The following KCNIP4 variants were observed in gnomAD, a reference collection of about 807,000 sequenced individuals.
KCNIP4 encodes potassium voltage-gated channel interacting protein 4, also known as Kv channel-interacting protein 4.
In KCNIP4, 12 loss-of-function variants were observed where a neutral mutation model predicts 34.0. The observed-to-expected ratio is 0.35, with a 90% CI of 0.23 to 0.57. The LOEUF is 0.57. Among genes scored for constraint, KCNIP4 ranks in the 20% least tolerant of loss-of-function variants. The probability of loss-of-function intolerance (pLI) is 0.83; values close to 1 mark genes in which losing one functional copy is unlikely to be tolerated. For missense variants in KCNIP4, 238 were observed against 311.7 expected, an observed-to-expected ratio of 0.76 and a Z score of 1.78; for synonymous variants, 124 against 102.2, an observed-to-expected ratio of 1.21 and a Z score of -1.29.
chr4:21,069,263 C>T (rs1042819489), intron 1 of KCNIP4, among the ~76,000 whole-genome samples: 3 of 151,828 alleles, frequency 2.0e-5, no homozygotes, highest in African/African-American at 7.3e-5. Context: ...TGAAGTCTCA[C>T]CTCTATATTT....
chr4:21,406,197 T>C (rs956977740), intron 1 of KCNIP4, among the ~76,000 whole-genome samples: 2 of 152,178 alleles, frequency 1.3e-5, no homozygotes, highest in Non-Finnish European at 1.5e-5. Context: ...TCAATGCTTC[T>C]CGGCCTCTTG....
chr4:21,569,692 T>G (rs533522728), intron 1 of KCNIP4, among the ~76,000 whole-genome samples: 1 of 152,058 alleles, frequency 6.6e-6, no homozygotes, highest in Non-Finnish European at 1.5e-5. Context: ...ATACTGACCA[T>G]TGGTTACTCG....
intron 1 of KCNIP4, among the ~76,000 whole-genome samples, chr4:20,953,910 A>G (rs1327672609): frequency 6.6e-6 from 1 of 152,116 alleles, no homozygotes; most frequent in Non-Finnish European, 1.5e-5. Context: ...CCTTTGCCCT[A>G]CTGAGAGTGG....
intron 1 of KCNIP4, among the ~76,000 whole-genome samples, chr4:21,508,916 A>G (rs1259208926): frequency 2.0e-5 from 3 of 151,856 alleles, no homozygotes; most frequent in African/African-American, 4.8e-5. Flanking sequence ...GCTGTTACTT[A>G]TAGCTAAATT....
At chr4:21,358,536 A>T (rs71607069) in intron 1 of KCNIP4, among the ~76,000 whole-genome samples, 5,556 of 152,196 alleles carry the variant, frequency 0.037, 236 homozygotes, top group East Asian at 0.2. Flanking sequence ...AAAGCAGTTG[A>T]GATTGTTAAT....
intron 2 of KCNIP4, among the ~76,000 whole-genome samples, chr4:20,856,160 T>C (rs1410762186): frequency 6.6e-6 from 1 of 152,216 alleles, no homozygotes; most frequent in East Asian, 1.9e-4. Context: ...TTCAACTATG[T>C]TGTATTATTG....
At chr4:21,183,745 C>T (rs928512459) in intron 1 of KCNIP4, among the ~76,000 whole-genome samples, 11 of 152,134 alleles carry the variant, frequency 7.2e-5, no homozygotes, top group Admixed American at 2.6e-4. Context: ...TATCCTTCTG[C>T]TCCTTAAGCC....
chr4:21,124,871 A>G (rs1051705083), intron 1 of KCNIP4, among the ~76,000 whole-genome samples: 1 of 152,080 alleles, frequency 6.6e-6, no homozygotes, highest in Non-Finnish European at 1.5e-5. Context: ...TCTCAACTCC[A>G]TTCAGCTACA....
intron 1 of KCNIP4, among the ~76,000 whole-genome samples, chr4:21,119,172 G>A (rs183808979): frequency 1.2e-3 from 177 of 152,166 alleles, no homozygotes; most frequent in African/African-American, 3.9e-3. Context: ...GAGAAAGGGC[G>A]GAGCTCAGGG....
chr4:21,425,349 C>A (rs1263437642), intron 1 of KCNIP4, among the ~76,000 whole-genome samples: 1 of 152,122 alleles, frequency 6.6e-6, no homozygotes, highest in Admixed American at 6.5e-5. Context: ...TAGGGGACAA[C>A]TAAAACTGTC....
chr4:21,087,898 A>T (rs185278216), intron 1 of KCNIP4, among the ~76,000 whole-genome samples: 80 of 152,258 alleles, frequency 5.3e-4, no homozygotes, highest in Non-Finnish European at 9.1e-4. Flanking sequence ...TTTAATGATA[A>T]AAATTCTCAA....
chr4:21,285,944 G>A (rs1022852051), intron 1 of KCNIP4, among the ~76,000 whole-genome samples: 4 of 152,176 alleles, frequency 2.6e-5, no homozygotes, highest in African/African-American at 9.7e-5. Context: ...AAGATAGCAT[G>A]ACTTATTGCA....
chr4:21,688,422 C>G (rs1221431060), intron 1 of KCNIP4, among the ~76,000 whole-genome samples: 4 of 152,050 alleles, frequency 2.6e-5, no homozygotes, highest in Admixed American at 1.3e-4. Context: ...GATACTGAAC[C>G]AGGTTTTCTG....
intron 1 of KCNIP4, among the ~76,000 whole-genome samples, chr4:21,451,314 T>C (rs977440116): frequency 4.6e-5 from 7 of 152,170 alleles, no homozygotes; most frequent in Non-Finnish European, 7.3e-5. Context: ...CAGTGGTTTA[T>C]GTCATTTGTA....
intron 1 of KCNIP4, among the ~76,000 whole-genome samples, chr4:21,280,013 G>A (rs957011903): frequency 6.6e-6 from 1 of 152,130 alleles, no homozygotes; most frequent in Admixed American, 6.5e-5. Flanking sequence ...TCTTTATTAT[G>A]AAAAGGCAGA....
At chr4:20,987,788 A>G (rs1216405548) in intron 1 of KCNIP4, among the ~76,000 whole-genome samples, 3 of 151,626 alleles carry the variant, frequency 2.0e-5, no homozygotes, top group East Asian at 3.9e-4. Flanking sequence ...TCACGAGGTC[A>G]GGAGATTGAG....
chr4:21,428,180 G>T (rs1457939509), intron 1 of KCNIP4, among the ~76,000 whole-genome samples: 2 of 152,090 alleles, frequency 1.3e-5, no homozygotes, highest in East Asian at 3.9e-4. Flanking sequence ...ACAAAACAAT[G>T]ATTATTACAG....
intron 1 of KCNIP4, among the ~76,000 whole-genome samples, chr4:20,917,940 C>A (rs912648313): frequency 1.2e-4 from 19 of 152,112 alleles, no homozygotes; most frequent in African/African-American, 4.6e-4. Flanking sequence ...AGGATTGGAG[C>A]TAATTTTCAC....
intron 1 of KCNIP4, among the ~76,000 whole-genome samples, chr4:21,383,008 G>T (rs1393271074): frequency 1.3e-5 from 2 of 152,124 alleles, no homozygotes; most frequent in African/African-American, 4.8e-5. Flanking sequence ...AAGTTAAAAT[G>T]ATGCCATTAG....
Sources: gnomAD v4.1 joint callset for allele counts (sites outside exome capture counted in the v4.1 genomes callset) on GRCh38, gnomAD v4.1.1 for gene constraint, MANE v1.5 for transcripts, NCBI Gene and HGNC (gene_info 2026-07-23, HGNC 2026-07-21) for gene names.